NRXN3: variants seen among roughly 807,000 people sequenced by gnomAD.
The protein encoded by NRXN3 is neurexin 3, also known as neurexin III.
Under a neutral mutation model 137.6 loss-of-function variants are expected in NRXN3, and 32 were observed. The observed-to-expected ratio is 0.23, with a 90% CI of 0.18 to 0.31. NRXN3 has a LOEUF of 0.31. Ranked by LOEUF, NRXN3 falls within the 10% of genes least tolerant of loss-of-function variation. NRXN3 has a pLI of 1.00. For synonymous variants in NRXN3, 798 were observed against 784.5 expected (o/e 1.02, Z -0.29); for missense variants, 1,574 against 2,062.5 (o/e 0.76, Z 4.59).
chr14:79,322,044 G>A (rs937985629), intron 15 of NRXN3, among the ~76,000 whole-genome samples: 3 of 151,662 alleles, frequency 2.0e-5, no homozygotes, highest in Non-Finnish European at 2.9e-5. Context: ...GATCAGCCTG[G>A]GCAACACAGC....
intron 10 of NRXN3, among the ~76,000 whole-genome samples, chr14:78,926,598 TTA>T (rs558811925): frequency 1.8e-4 from 21 of 113,838 alleles, no homozygotes; most frequent in East Asian, 1.8e-3. Flanking sequence ...AAATACAAAA[TTA>T]TATATATATA....
chr14:78,578,626 AG>A (rs1330423784), intron 4 of NRXN3, among the ~76,000 whole-genome samples: 1 of 152,222 alleles, frequency 6.6e-6, no homozygotes, highest in Non-Finnish European at 1.5e-5. Context: ...GATGATGAGA[AG>A]CAGAAAACCT....
At chr14:78,864,792 C>T (rs909088412) in intron 10 of NRXN3, among the ~76,000 whole-genome samples, 2 of 152,092 alleles carry the variant, frequency 1.3e-5, no homozygotes, top group African/African-American at 4.8e-5. Flanking sequence ...CAAAAGTGGG[C>T]ATGGCCTGAT....
Position 79,242,102 on chromosome 14 carries a change from T to G in NRXN3, c.3263-225119T>G, listed in dbSNP as rs140244955. On this transcript the variant is annotated intron_variant, in intron 15 of 20. Coordinates refer to ENST00000335750, the MANE Select transcript of NRXN3 (RefSeq NM_001330195.2). ...AAATTAAATGCTCAAAACAACCCTA[T>G]CAGGTAAATCACTGTAATTAGCACC... 9.7e-3 allele frequency among the ~76,000 whole-genome samples: 1,475 copies of G among 151,792 alleles called. 15 individuals carry two copies. Among genetic ancestry groups the G allele is most frequent in the Non-Finnish European group, 0.014 (944 of 67,902 alleles).
intron 4 of NRXN3, among the ~76,000 whole-genome samples, chr14:78,367,421 A>G (rs1597841570): frequency 6.6e-6 from 1 of 152,288 alleles, no homozygotes; most frequent in Non-Finnish European, 1.5e-5. Flanking sequence ...TCTTTTGAGG[A>G]ATGAAGCAGC....
Position 78,471,113 on chromosome 14 carries a change from C to G in NRXN3, c.757+173253C>G, listed in dbSNP as rs375954186. On this transcript the variant is annotated intron_variant, in intron 4 of 20. Coordinates refer to ENST00000335750, the MANE Select transcript of NRXN3 (RefSeq NM_001330195.2). ...TGGTTCTTTGGGGAGGGACATGGCA[C>G]TGGCACACTGAACAGAGTGGACTTG... 1.2e-4 allele frequency among the ~76,000 whole-genome samples: 18 copies of G among 152,274 alleles called. 1 individual carries two copies. The highest frequency in any genetic ancestry group is 7.7e-4 in the East Asian group (4 of 5,184).
intron 19 of NRXN3, among the ~76,000 whole-genome samples, chr14:79,763,929 C>A (rs1426765182): frequency 6.7e-6 from 1 of 150,158 alleles, no homozygotes; most frequent in Non-Finnish European, 1.5e-5. Flanking sequence ...ATCCTCATTT[C>A]CATGTAAAGA....
rs2099227651 is a variant in NRXN3 at position 79,810,409 on chromosome 14, ACATC to A, written c.4093+5228_4093+5231del. 2.0e-5 allele frequency among the ~76,000 whole-genome samples: 3 copies of A among 152,342 alleles called. No homozygotes were observed. The South Asian group carries it at 6.2e-4, about 32-fold the overall frequency. ...CAGTAAAAGGAAGTGAAGATGAAAC[ACATC>A]CATCCATCAATAAGACTGTGCTAAG... On this transcript the variant is annotated intron_variant, in intron 20 of 20. Coordinates refer to ENST00000335750, the MANE Select transcript of NRXN3 (RefSeq NM_001330195.2).
intron 15 of NRXN3, among the ~76,000 whole-genome samples, chr14:79,430,478 C>T (rs1439681470): frequency 6.6e-6 from 1 of 152,120 alleles, no homozygotes; most frequent in Non-Finnish European, 1.5e-5. Context: ...TGTGACTAGC[C>T]AAGACTCAAG....
chr14:78,454,536 G>C (rs1325945954), intron 4 of NRXN3, among the ~76,000 whole-genome samples: 1 of 152,218 alleles, frequency 6.6e-6, no homozygotes, highest in Admixed American at 6.5e-5. Context: ...TGTGTAGCCA[G>C]GTTTGAGAAC....
intron 15 of NRXN3, among the ~76,000 whole-genome samples, chr14:79,326,331 T>A (rs1344372144): frequency 3.3e-5 from 5 of 152,194 alleles, no homozygotes; most frequent in Non-Finnish European, 7.3e-5. Context: ...TGTCTGGTAC[T>A]GGACTAGATA....
At chr14:78,479,245 T>C (rs2095432694) in intron 4 of NRXN3, among the ~76,000 whole-genome samples, 1 of 152,190 alleles carries the variant, frequency 6.6e-6, no homozygotes, top group Non-Finnish European at 1.5e-5. Flanking sequence ...GGCCTGGGCA[T>C]TGGGGTTTCT....
chr14:79,179,232 G>T (rs1420811126), intron 15 of NRXN3, among the ~76,000 whole-genome samples: 1 of 152,058 alleles, frequency 6.6e-6, no homozygotes, highest in Non-Finnish European at 1.5e-5. Context: ...TATACAAAGA[G>T]CAAGAAAACA....
In NRXN3 at chr14:79,786,535, G is replaced by C. The variant is rs559358833; in HGVS notation, c.4015-18577G>C. ...AGAGTCCAGTCCAATGTATTCCTGGGTATACAGCTTATGAAGGCATTTAAA... is the reference window on the plus strand; with the variant it reads ...AGAGTCCAGTCCAATGTATTCCTGGCTATACAGCTTATGAAGGCATTTAAA... On this transcript the variant is annotated intron_variant, in intron 19 of 20. Coordinates refer to ENST00000335750, the MANE Select transcript of NRXN3 (RefSeq NM_001330195.2). Among the ~76,000 whole-genome samples, 8 of 152,234 alleles carry C rather than the reference G, an allele frequency of 5.3e-5. No homozygotes were observed. The East Asian group carries it at 1.4e-3, about 26-fold the overall frequency.
intron 15 of NRXN3, among the ~76,000 whole-genome samples, chr14:79,133,884 G>A (rs950945854): frequency 8.0e-5 from 12 of 150,370 alleles, no homozygotes; most frequent in South Asian, 4.2e-4. Flanking sequence ...AGCAGAGATC[G>A]TGCTGCTGCA....
intron 5 of NRXN3, chr14:78,649,147 C>G (rs532868824): frequency 1.8e-6 from 1 of 563,448 alleles, no homozygotes; most frequent in Non-Finnish European, 3.0e-6. Context: ...TGCAATGTGT[C>G]ATTTTACTAA....
At chr14:78,235,040 G>GTATATATATATACA (rs1338237743) in intron 1 of NRXN3, among the ~76,000 whole-genome samples, 1 of 103,812 alleles carries the variant, frequency 9.6e-6, no homozygotes, top group Non-Finnish European at 2.1e-5. Context: ...ATATATATGT[G>GTATATATATATACA]TGTGTGTGTG....
chr14:78,391,157 C>T (rs2090715699), intron 4 of NRXN3, among the ~76,000 whole-genome samples: 1 of 151,968 alleles, frequency 6.6e-6, no homozygotes, highest in Admixed American at 6.6e-5. Flanking sequence ...GCATATGTAC[C>T]CCTGTTCTGA....
chr14:78,418,112 T>C (rs17107530), intron 4 of NRXN3, among the ~76,000 whole-genome samples: 3,718 of 152,180 alleles, frequency 0.024, 132 homozygotes, highest in African/African-American at 0.081. Context: ...AAGGTGAAAT[T>C]TGTATGGCTC....
Sources: allele counts gnomAD v4.1 joint callset (sites outside exome capture counted in the v4.1 genomes callset), GRCh38; gene constraint gnomAD v4.1.1; transcripts MANE v1.5; gene names NCBI Gene and HGNC (gene_info 2026-07-23, HGNC 2026-07-21).